Variants in GRM7 observed in about 807,000 individuals in gnomAD.
GRM7 encodes glutamate metabotropic receptor 7.
A neutral mutation model predicts 84.5 loss-of-function variants in GRM7; 35 were observed. The observed-to-expected ratio is 0.41, with a 90% CI of 0.32 to 0.55. The LOEUF is 0.55. Among genes scored for constraint, GRM7 ranks in the 20% least tolerant of loss-of-function variants. GRM7 has a pLI of 0.19. For synonymous variants in GRM7, 487 were observed against 455.1 expected (o/e 1.07, Z -0.89); for missense variants, 1,003 against 1,194.6 (o/e 0.84, Z 2.36).
At chr3:7,214,875 T>C (rs1696549513) in intron 2 of GRM7, among the ~76,000 whole-genome samples, 1 of 152,170 alleles carries the variant, frequency 6.6e-6, no homozygotes. Flanking sequence ...GGTTACAGAG[T>C]TTGTAACATT....
At chr3:7,078,029 A>C (rs2124993276) in intron 1 of GRM7, among the ~76,000 whole-genome samples, 1 of 152,326 alleles carries the variant, frequency 6.6e-6, no homozygotes, top group South Asian at 2.1e-4. Context: ...GCGTGAACAA[A>C]TAACAGCACA....
chr3:7,675,624 C>T (rs779975542), intron 8 of GRM7, among the ~76,000 whole-genome samples: 1 of 152,238 alleles, frequency 6.6e-6, no homozygotes, highest in African/African-American at 2.4e-5. Flanking sequence ...GAATTCACCA[C>T]ATATTTATGC....
chr3:7,684,654 G>C (rs1700508058), intron 9 of GRM7, among the ~76,000 whole-genome samples: 2 of 152,038 alleles, frequency 1.3e-5, no homozygotes, highest in Admixed American at 1.3e-4. Context: ...TATCCTCTTA[G>C]TTTGCTTCCT....
chr3:7,122,941 C>T (rs1313972084), intron 1 of GRM7, among the ~76,000 whole-genome samples: 1 of 152,000 alleles, frequency 6.6e-6, no homozygotes, highest in Non-Finnish European at 1.5e-5. Flanking sequence ...CAACCTGCAG[C>T]TATAAAACAA....
At chr3:7,404,597 G>A (rs528660997) in intron 4 of GRM7, among the ~76,000 whole-genome samples, 73 of 152,150 alleles carry the variant, frequency 4.8e-4, no homozygotes, top group Non-Finnish European at 3.7e-4. Flanking sequence ...CCAATCCTAC[G>A]GTAAGTGTTC....
intron 2 of GRM7, among the ~76,000 whole-genome samples, chr3:7,203,630 C>T (rs867114944): frequency 2.0e-5 from 3 of 152,014 alleles, no homozygotes; most frequent in South Asian, 2.1e-4. Flanking sequence ...ATTGCTGGAT[C>T]GTATGTTAGT....
chr3:6,899,562 A>G (rs1037854095), intron 1 of GRM7, among the ~76,000 whole-genome samples: 3 of 152,180 alleles, frequency 2.0e-5, no homozygotes, highest in Non-Finnish European at 2.9e-5. Context: ...TGGGGAAACC[A>G]GGTTGTTAAG....
At chr3:7,695,500 T>G (rs1413791814) in intron 9 of GRM7, among the ~76,000 whole-genome samples, 1 of 152,234 alleles carries the variant, frequency 6.6e-6, no homozygotes, top group Non-Finnish European at 1.5e-5. Context: ...TCTATGCGTT[T>G]CTGCCCAATC....
chr3:7,666,838 A>G (rs1054841057), intron 8 of GRM7, among the ~76,000 whole-genome samples: 1 of 152,194 alleles, frequency 6.6e-6, no homozygotes, highest in South Asian at 2.1e-4. Context: ...CCTGATACGA[A>G]GTATAAAAAG....
chr3:7,181,123 G>A (rs950845892), intron 2 of GRM7, among the ~76,000 whole-genome samples: 4 of 152,126 alleles, frequency 2.6e-5, no homozygotes, highest in African/African-American at 4.8e-5. Flanking sequence ...GATTTCAAAT[G>A]CTTTTTCCGG....
At chr3:6,957,846 G>A (rs1380658238) in intron 1 of GRM7, among the ~76,000 whole-genome samples, 2 of 152,162 alleles carry the variant, frequency 1.3e-5, no homozygotes, top group Non-Finnish European at 1.5e-5. Context: ...CCAGAGGAAA[G>A]ACATTATATA....
In GRM7 at chr3:7,547,148, C is replaced by T. The variant is rs113665470; in HGVS notation, c.1516-31274C>T. Among the ~76,000 whole-genome samples the T allele has an allele frequency of 3.6e-3, 541 of 151,220 alleles. 5 individuals carry two copies. Among genetic ancestry groups the T allele is most frequent in the African/African-American group, 0.013 (522 of 41,086 alleles). ...GTCCTATGCCAGATCCATGAGAAAG[C>T]CCCGGCACAGTGGCCTTTCTCAGCA... On this transcript the variant is annotated intron_variant, in intron 7 of 9. Transcript: ENST00000357716.
At chr3:7,314,567 ATAAG>A (rs143181499) in intron 4 of GRM7, among the ~76,000 whole-genome samples, 13,771 of 152,160 alleles carry the variant, frequency 0.091, 840 homozygotes, top group Non-Finnish European at 0.14. Flanking sequence ...AATAGGCACA[ATAAG>A]TAAGTAAATT....
chr3:6,932,726 T>G (rs1024623947), intron 1 of GRM7, among the ~76,000 whole-genome samples: 1 of 150,924 alleles, frequency 6.6e-6, no homozygotes, highest in Non-Finnish European at 1.5e-5. Flanking sequence ...TTTTGTTTAT[T>G]TTTTTAATGT....
intron 1 of GRM7, among the ~76,000 whole-genome samples, chr3:7,127,284 C>T (rs545331772): frequency 1.3e-5 from 2 of 152,284 alleles, no homozygotes; most frequent in South Asian, 2.1e-4. Flanking sequence ...TCTTTGATTT[C>T]TAACATCTTC....
At chr3:6,919,353 C>T (rs1042678661) in intron 1 of GRM7, among the ~76,000 whole-genome samples, 22 of 146,952 alleles carry the variant, frequency 1.5e-4, no homozygotes, top group Non-Finnish European at 2.7e-4. Context: ...TGCCCACCAC[C>T]ATGCCTGGCT....
At chr3:7,178,567 T>C (rs1260105313) in intron 2 of GRM7, among the ~76,000 whole-genome samples, 1 of 152,158 alleles carries the variant, frequency 6.6e-6, no homozygotes, top group Non-Finnish European at 1.5e-5. Context: ...ATACGCTGAA[T>C]GTGATGGCTA....
At chr3:7,495,130 TGGA>T (rs1164507521) in intron 7 of GRM7, among the ~76,000 whole-genome samples, 19 of 152,294 alleles carry the variant, frequency 1.2e-4, no homozygotes, top group African/African-American at 4.3e-4. Flanking sequence ...CCTGCTTCTG[TGGA>T]CTGCCATTCC....
At chr3:7,022,010 A>G (rs1695792732) in intron 1 of GRM7, among the ~76,000 whole-genome samples, 1 of 152,136 alleles carries the variant, frequency 6.6e-6, no homozygotes, top group Non-Finnish European at 1.5e-5. Context: ...ATAAAAGAAG[A>G]CTATAAAATA....
Sources: allele counts gnomAD v4.1 joint callset (sites outside exome capture counted in the v4.1 genomes callset), GRCh38; gene constraint gnomAD v4.1.1; transcripts MANE v1.5; gene names NCBI Gene and HGNC (gene_info 2026-07-23, HGNC 2026-07-21).